WDR70: variants seen among roughly 807,000 people sequenced by gnomAD.
WDR70 encodes the protein WD repeat domain 70, also known as WD repeat-containing protein 70.
WDR70 carries 53 observed loss-of-function variants against 88.6 expected under a neutral mutation model. The observed-to-expected ratio is 0.60, with a 90% CI of 0.48 to 0.75. WDR70 has a LOEUF of 0.75. Among genes scored for constraint, WDR70 ranks in the 30% least tolerant of loss-of-function variants. WDR70 has a pLI of 0.00. For synonymous variants in WDR70, 280 were observed against 270.0 expected, an observed-to-expected ratio of 1.04 and a Z score of -0.36; for missense variants, 610 against 823.2, an observed-to-expected ratio of 0.74 and a Z score of 3.17.
intron 8 of WDR70, among the ~76,000 whole-genome samples, chr5:37,480,342 T>A (rs1205501721): frequency 6.6e-6 from 1 of 152,200 alleles, no homozygotes; most frequent in East Asian, 1.9e-4. Context: ...TTGGGTCTTT[T>A]CACAGTGTGG....
At chr5:37,723,157 G>A (rs1479818542) in intron 15 of WDR70, 1 of 560,370 alleles carries the variant, frequency 1.8e-6, no homozygotes, top group African/African-American at 1.9e-5. Flanking sequence ...AACCCAAAAG[G>A]GAAAAGCCTG....
intron 15 of WDR70, chr5:37,723,816 C>T (rs915995878): frequency 1.3e-5 from 2 of 152,138 alleles, no homozygotes; most frequent in African/African-American, 4.8e-5. Flanking sequence ...TAAATTCCTC[C>T]AGTCGTTTGA....
chr5:37,712,149 C>T (rs527623987), intron 13 of WDR70, among the ~76,000 whole-genome samples: 4 of 152,068 alleles, frequency 2.6e-5, no homozygotes, highest in East Asian at 1.9e-4. Flanking sequence ...CCTGCCACCG[C>T]ACCTGGCTAA....
intron 10 of WDR70, among the ~76,000 whole-genome samples, chr5:37,677,200 A>G (rs951896066): frequency 2.0e-5 from 3 of 151,928 alleles, no homozygotes; most frequent in African/African-American, 4.8e-5. Context: ...TGGATTCATT[A>G]ATTTTTTGAA....
rs1337298743 is a variant in WDR70 at position 37,605,290 on chromosome 5, G to C, written c.1092+52G>C. ...GGCCACCTTAAATCTTTCCTTAGAAGATGGCCACCTTACAAAGACAAACGT... is the reference window on the plus strand; with the variant it reads ...GGCCACCTTAAATCTTTCCTTAGAACATGGCCACCTTACAAAGACAAACGT... On this transcript the variant is annotated intron_variant, in intron 10 of 17. Coordinates refer to ENST00000265107, the MANE Select transcript of WDR70 (RefSeq NM_018034.4). 4 of 1,519,470 alleles carry C rather than the reference G, an allele frequency of 2.6e-6. No individual in the cohort carries two copies. The African/African-American group carries it at 5.6e-5, about 21-fold the overall frequency. The allele number at this position is 1,519,470 out of a possible 1,614,324, so 94.1% of individuals were successfully genotyped here. A position where few individuals can be genotyped will look rare whatever the true frequency, so the allele number is the denominator to read the frequency against.
At chr5:37,405,991 C>G (rs1749340515) in intron 5 of WDR70, among the ~76,000 whole-genome samples, 2 of 152,066 alleles carry the variant, frequency 1.3e-5, no homozygotes, top group Admixed American at 1.3e-4. Context: ...TGCAGTGAGC[C>G]ATGGTTGCAT....
At chr5:37,564,777 TC>T in intron 9 of WDR70, among the ~76,000 whole-genome samples, 1 of 152,212 alleles carries the variant, frequency 6.6e-6, no homozygotes, top group Admixed American at 6.5e-5. Context: ...ATTCATGATA[TC>T]AAAAAGAATG....
chr5:37,733,708 T>C (rs372500487), intron 17 of WDR70, among the ~76,000 whole-genome samples: 2 of 151,816 alleles, frequency 1.3e-5, no homozygotes, highest in Non-Finnish European at 2.9e-5. Context: ...TCTAGTAACC[T>C]CCCCCTCAAA....
chr5:37,667,845 A>AG, intron 10 of WDR70, among the ~76,000 whole-genome samples: 1 of 10,518 alleles, frequency 9.5e-5, no homozygotes, highest in Admixed American at 2.9e-3. Flanking sequence ...GTACGATCTG[A>AG]AAAAAAAAAA....
intron 5 of WDR70, among the ~76,000 whole-genome samples, chr5:37,397,953 A>G (rs897869387): frequency 2.0e-5 from 3 of 150,722 alleles, no homozygotes; most frequent in Non-Finnish European, 3.0e-5. Flanking sequence ...CCGAGATTGC[A>G]CCACTGCTCT....
intron 13 of WDR70, among the ~76,000 whole-genome samples, chr5:37,714,530 C>CCA (rs1747602520): frequency 1.0e-5 from 1 of 98,640 alleles, no homozygotes; most frequent in Admixed American, 1.2e-4. Context: ...ATGACTAGCC[C>CCA]CAGTGCCCCA....
At position 37,587,840 on chromosome 5, in the gene WDR70, C is replaced by T. The variant is rs201735568; in HGVS notation, c.918-17224C>T. ...TATCGCCCAGGCTGGAGTGCAGTGG[C>T]GTGATCTCAGCTCACTGTAACCTCC... On this transcript the variant is annotated intron_variant, in intron 9 of 17. Transcript: ENST00000265107. 2.7e-4 allele frequency among the ~76,000 whole-genome samples: 38 copies of T among 143,374 alleles called. No individual in the cohort carries two copies. In the East Asian group the frequency reaches 7.0e-3, roughly 26 times the overall value. 94.1% of individuals were successfully genotyped at this position (143,374 alleles called of 152,430 possible).
At chr5:37,745,188 C>T (rs1038849924) in intron 17 of WDR70, among the ~76,000 whole-genome samples, 5 of 152,026 alleles carry the variant, frequency 3.3e-5, no homozygotes, top group African/African-American at 4.8e-5. Flanking sequence ...GCTTCATAAG[C>T]GAAGGAGAAA....
intron 8 of WDR70, chr5:37,506,633 TG>T (rs753947447): frequency 6.4e-5 from 50 of 778,426 alleles, no homozygotes; most frequent in Non-Finnish European, 1.1e-4. Flanking sequence ...GCTTAGAATC[TG>T]TCTGAAGATC....
intron 10 of WDR70, among the ~76,000 whole-genome samples, chr5:37,646,226 A>G (rs1745235391): frequency 1.3e-5 from 2 of 152,116 alleles, no homozygotes; most frequent in African/African-American, 4.8e-5. Context: ...CTGATCTCAT[A>G]AATAAACTAA....
At chr5:37,428,811 A>G (rs1317073764) in intron 5 of WDR70, among the ~76,000 whole-genome samples, 1 of 152,202 alleles carries the variant, frequency 6.6e-6, no homozygotes, top group Non-Finnish European at 1.5e-5. Context: ...GTATATTTAT[A>G]AGAAACTAGC....
intron 10 of WDR70, among the ~76,000 whole-genome samples, chr5:37,676,009 G>A (rs1386480639): frequency 1.3e-5 from 2 of 149,238 alleles, no homozygotes; most frequent in African/African-American, 4.9e-5. Context: ...GTGAATGGGA[G>A]TTCACTCATG....
chr5:37,537,654 A>T (rs1741703741), intron 9 of WDR70, among the ~76,000 whole-genome samples: 1 of 152,152 alleles, frequency 6.6e-6, no homozygotes, highest in Admixed American at 6.5e-5. Flanking sequence ...TAAATGGCTT[A>T]ATTTTATTGT....
At chr5:37,627,271 G>A (rs1011143405) in intron 10 of WDR70, among the ~76,000 whole-genome samples, 7 of 151,896 alleles carry the variant, frequency 4.6e-5, no homozygotes, top group African/African-American at 1.7e-4. Flanking sequence ...GTATTTTTCT[G>A]TAGAGATGAA....
Sources: gnomAD v4.1 joint callset for allele counts (sites outside exome capture counted in the v4.1 genomes callset) on GRCh38, gnomAD v4.1.1 for gene constraint, MANE v1.5 for transcripts, NCBI Gene and HGNC (gene_info 2026-07-23, HGNC 2026-07-21) for gene names.